Variants in XPO6 observed in about 807,000 individuals in gnomAD.
The protein encoded by XPO6 is exportin 6, also known as exportin-6.
XPO6 carries 3 observed loss-of-function variants against 130.0 expected under a neutral mutation model. The observed-to-expected ratio is 0.02, with a 90% CI of 0.01 to 0.06. The LOEUF (loss-of-function observed/expected upper bound fraction) is 0.06, where lower values mean the gene tolerates loss of function less well. XPO6 is among the 10% of genes least tolerant of loss of function. The probability of loss-of-function intolerance (pLI) is 1.00; values close to 1 mark genes in which losing one functional copy is unlikely to be tolerated. For synonymous variants in XPO6, 524 were observed against 548.9 expected (o/e 0.95, Z 0.63); for missense variants, 970 against 1,393.0 (o/e 0.70, Z 4.83).
intron 14 of XPO6, among the ~76,000 whole-genome samples, chr16:28,121,420 T>C (rs1364956427): frequency 6.6e-6 from 1 of 152,194 alleles, no homozygotes. Context: ...CCTGTACTGT[T>C]CTTTCCTCCT....
intron 1 of XPO6, among the ~76,000 whole-genome samples, chr16:28,181,517 G>GT (rs1370631370): frequency 1.3e-4 from 13 of 97,394 alleles, no homozygotes; most frequent in Non-Finnish European, 3.0e-4. Flanking sequence ...CAGGGAGAGT[G>GT]GTTTTTTTTT....
In XPO6 at chr16:28,179,933, T is replaced by C. The variant is rs559766708; in HGVS notation, c.94+1008A>G. Among the ~76,000 whole-genome samples the C allele has an allele frequency of 1.1e-4, 16 of 152,350 alleles. No individual in the cohort carries two copies. In the East Asian group the frequency reaches 3.1e-3, roughly 29 times the overall value. ...TTAAGATCAGATTAGAATATGAACATGTTCAGAAGGTTCTACGTTTAATTC... is the reference window on the plus strand; with the variant it reads ...TTAAGATCAGATTAGAATATGAACACGTTCAGAAGGTTCTACGTTTAATTC... On this transcript the variant is annotated intron_variant, in intron 2 of 23. Transcript: ENST00000304658.
chr16:28,192,458 C>T lies in XPO6; in HGVS notation c.4-11427G>A, dbSNP rs77554005. 4.8e-3 allele frequency among the ~76,000 whole-genome samples: 723 copies of T among 152,148 alleles called. 3 individuals carry two copies. The highest frequency in any genetic ancestry group is 0.017 in the African/African-American group (697 of 41,496). ...CAATGGCAAAGCTGCAATGCCTCGC[C>T]CTTCCCATTTCTAGTTGGCCTTGCC... On this transcript the variant is annotated intron_variant, in intron 1 of 23. Coordinates refer to ENST00000304658, the MANE Select transcript of XPO6 (RefSeq NM_015171.4).
chr16:28,171,329 T>C (rs1483088697), intron 4 of XPO6, among the ~76,000 whole-genome samples: 3 of 151,260 alleles, frequency 2.0e-5, no homozygotes, highest in African/African-American at 7.3e-5. Flanking sequence ...GGCAGGCGCC[T>C]ATAGTCCCAG....
chr16:28,126,336 C>T (rs1029111598), intron 12 of XPO6, among the ~76,000 whole-genome samples: 3 of 152,114 alleles, frequency 2.0e-5, no homozygotes, highest in African/African-American at 4.8e-5. Context: ...AGTTAGGACC[C>T]GCCCCTGCTA....
chr16:28,107,447 G>A, intron 18 of XPO6, 75 bp downstream of exon 18: 1 of 1,548,212 alleles, frequency 6.5e-7, no homozygotes. Context: ...GACTCAGTGT[G>A]TTCTACAGAT....
At chr16:28,167,038 T>C (rs1046593335) in intron 5 of XPO6, 65 of 745,718 alleles carry the variant, frequency 8.7e-5, no homozygotes, top group Non-Finnish European at 9.2e-5. Flanking sequence ...TAAACACACG[T>C]TTCCCCAGGT....
Position 28,106,602 on chromosome 16 carries a change from A to G in XPO6, c.2498-105T>C. 1 of 845,496 alleles carries G rather than the reference A, an allele frequency of 1.2e-6. No homozygotes were observed. The highest frequency in any genetic ancestry group is 1.9e-6 in the Non-Finnish European group (1 of 518,206). The allele number at this position is 845,496 out of a possible 1,614,324, so 52.4% of individuals were successfully genotyped here. On this transcript the variant is annotated intron_variant, in intron 18 of 23. Transcript: ENST00000304658. This position sits in a 1 kb window ranked among gnomAD's most constrained non-coding sequence, Gnocchi z 4.2. ...GAAATCTGCACTATCAGCTTTCTCT[A>G]CAGCTTCCTGCTGGAAACATTTCCC...
intron 1 of XPO6, among the ~76,000 whole-genome samples, chr16:28,204,166 A>C (rs751131270): frequency 6.6e-6 from 1 of 152,182 alleles, no homozygotes; most frequent in Non-Finnish European, 1.5e-5. Flanking sequence ...CTTGGGATAC[A>C]TGAACAAAAG....
rs746551116 is a variant in XPO6 at position 28,132,537 on chromosome 16, T to C, written c.1537-134A>G. 1.7e-6 allele frequency: 1 copy of C among 591,774 alleles called. No homozygotes were observed. The highest frequency in any genetic ancestry group is 2.9e-6 in the Non-Finnish European group (1 of 347,430). 36.7% of individuals were successfully genotyped at this position (591,774 alleles called of 1,614,324 possible). A position where few individuals can be genotyped will look rare whatever the true frequency, so the allele number is the denominator to read the frequency against. On this transcript the variant is annotated intron_variant, in intron 11 of 23. Coordinates refer to ENST00000304658, the MANE Select transcript of XPO6 (RefSeq NM_015171.4). The surrounding 1 kb of genome is among the most constrained non-coding windows in gnomAD (Gnocchi z 4.0). Reference sequence around the variant, plus strand: ...TCAAAACCTTTTCTCTGGGAACCTTTAAATGCAGCTAAAAAGCTATGACCC... The same window carrying C: ...TCAAAACCTTTTCTCTGGGAACCTTCAAATGCAGCTAAAAAGCTATGACCC...
At chr16:28,189,529 C>A (rs2043752305) in intron 1 of XPO6, among the ~76,000 whole-genome samples, 1 of 151,824 alleles carries the variant, frequency 6.6e-6, no homozygotes, top group Non-Finnish European at 1.5e-5. Flanking sequence ...GAGGGAAGAC[C>A]GAGGTACAAA....
chr16:28,112,201 A>G (rs2086941291), intron 16 of XPO6, among the ~76,000 whole-genome samples, 195 bp from the exon 17 acceptor site: 1 of 152,164 alleles, frequency 6.6e-6, no homozygotes, highest in Admixed American at 6.5e-5. Flanking sequence ...AAGTAATAGC[A>G]CCATGTCTAG....
chr16:28,104,872 G>C (rs1042135899), intron 20 of XPO6, among the ~76,000 whole-genome samples, 165 bp from the exon 21 acceptor site: 5 of 152,230 alleles, frequency 3.3e-5, no homozygotes, highest in Admixed American at 6.5e-5. Context: ...AGCCCCTGGA[G>C]TCCTGTCACT....
intron 1 of XPO6, among the ~76,000 whole-genome samples, chr16:28,210,282 C>CCA (rs2044104938): frequency 6.6e-6 from 1 of 152,278 alleles, no homozygotes; most frequent in South Asian, 2.1e-4. Flanking sequence ...TTCGAAAATT[C>CCA]CACAGGCCTT....
intron 6 of XPO6, among the ~76,000 whole-genome samples, chr16:28,157,042 C>T (rs1413205292): frequency 1.3e-5 from 2 of 151,950 alleles, no homozygotes. Flanking sequence ...AAAGATAAAA[C>T]TTTAAAGTTA....
intron 12 of XPO6, among the ~76,000 whole-genome samples, chr16:28,129,603 A>G (rs997754640): frequency 6.6e-6 from 1 of 152,066 alleles, no homozygotes; most frequent in African/African-American, 2.4e-5. Context: ...GCCCTAGGGG[A>G]AAAAAAAGTC....
intron 12 of XPO6, among the ~76,000 whole-genome samples, chr16:28,128,471 T>C (rs943222865): frequency 1.3e-5 from 2 of 152,164 alleles, no homozygotes; most frequent in Non-Finnish European, 2.9e-5. Flanking sequence ...AACTTCTCTA[T>C]AGTATCCAAT....
rs763302104 is a variant in XPO6 at position 28,101,679 on chromosome 16, G to A, written c.3055C>T (p.Arg1019Trp). 8 of 1,606,642 alleles carry A rather than the reference G, an allele frequency of 5.0e-6. No individual in the cohort carries two copies. Among genetic ancestry groups the A allele is most frequent in the Middle Eastern group, 1.6e-4 (1 of 6,064 alleles). Residue 1019 changes from arginine (R) to tryptophan (W), a missense_variant, in exon 23 of 24, where the codon CGG becomes TGG. Arg to Trp is a moderately radical substitution (Grantham distance 101, BLOSUM62 -3). This residue lies in a region of XPO6 where 936 missense variants were observed against 1,306.8 expected (regional missense o/e 0.72). Transcript: ENST00000304658. This position sits in a 1 kb window ranked among gnomAD's most constrained non-coding sequence, Gnocchi z 5.4. ...ACAAACTGGAACAGCATGGCAGTCC[G>A]GAAGATCTTCTGCAGGCAGAGAGAC... is the stretch of plus-strand genomic sequence containing the variant. Reference protein sequence around the residue: ...KQKLYHKKIFRTAMLFQFVNV... With the variant: ...KQKLYHKKIFWTAMLFQFVNV...
chr16:28,203,511 G>A (rs918573073), intron 1 of XPO6, among the ~76,000 whole-genome samples: 1 of 152,096 alleles, frequency 6.6e-6, no homozygotes, highest in Non-Finnish European at 1.5e-5. Flanking sequence ...CTACCTTCAT[G>A]TCAACAGCGC....
Sources: allele counts gnomAD v4.1 joint callset (sites outside exome capture counted in the v4.1 genomes callset), GRCh38; gene constraint gnomAD v4.1.1; regional missense constraint gnomAD v4.1.1; non-coding constraint Gnocchi (gnomAD v3.1); transcripts MANE v1.5; gene names NCBI Gene and HGNC (gene_info 2026-07-23, HGNC 2026-07-21).